The following TLK1 variants were observed in gnomAD, a reference collection of about 807,000 sequenced individuals.
TLK1 encodes serine/threonine-protein kinase tousled-like 1.
Under a neutral mutation model 105.3 loss-of-function variants are expected in TLK1, and 24 were observed. The observed-to-expected ratio is 0.23, with a 90% CI of 0.17 to 0.32. The LOEUF is 0.32. TLK1 is among the 10% of genes least tolerant of loss of function. The pLI, the probability that TLK1 is intolerant of heterozygous loss-of-function variation, is 1.00. For synonymous variants in TLK1, 321 were observed against 310.4 expected (o/e 1.03, Z -0.36); for missense variants, 558 against 910.5 (o/e 0.61, Z 4.98).
chr2:171,210,035 G>C (rs1015027247), intron 1 of TLK1, among the ~76,000 whole-genome samples: 9 of 152,112 alleles, frequency 5.9e-5, no homozygotes, highest in Admixed American at 4.6e-4. Flanking sequence ...AGCTAATCAG[G>C]TAAATCAAAA....
At chr2:170,996,529 C>G in intron 20 of TLK1, 124 bp downstream of exon 20, 1 of 698,718 alleles carries the variant, frequency 1.4e-6, no homozygotes, top group South Asian at 2.1e-5. Context: ...CCAGCCCCTG[C>G]TGGACAGATC....
chr2:171,034,438 A>G (rs1686218348), intron 11 of TLK1, among the ~76,000 whole-genome samples: 1 of 152,262 alleles, frequency 6.6e-6, no homozygotes, highest in African/African-American at 2.4e-5. Context: ...TACATGCTAC[A>G]ACATGAATAT....
At chr2:171,071,227 T>A (rs535409878) in intron 3 of TLK1, among the ~76,000 whole-genome samples, 1 of 152,312 alleles carries the variant, frequency 6.6e-6, no homozygotes, top group Admixed American at 6.5e-5. Context: ...GTGGGTTATC[T>A]CCTCGCTTTG....
chr2:171,114,827 C>G (rs567925367), intron 2 of TLK1, among the ~76,000 whole-genome samples: 1 of 151,728 alleles, frequency 6.6e-6, no homozygotes, highest in African/African-American at 2.4e-5. Flanking sequence ...AGAGTGAGAT[C>G]CTGTCTCAGA....
At chr2:171,213,508 C>A (rs540622105) in intron 1 of TLK1, among the ~76,000 whole-genome samples, 1 of 150,832 alleles carries the variant, frequency 6.6e-6, no homozygotes, top group South Asian at 2.1e-4. Flanking sequence ...AGGCCTATAT[C>A]TTTTTTTTAA....
chr2:171,025,728 A>G (rs1685741628), intron 12 of TLK1, among the ~76,000 whole-genome samples: 1 of 152,208 alleles, frequency 6.6e-6, no homozygotes, highest in Non-Finnish European at 1.5e-5. Flanking sequence ...TCTTTTTTAG[A>G]AAACAGAATG....
chr2:171,163,867 A>C (rs1465132749), upstream of TLK1, among the ~76,000 whole-genome samples: 1 of 152,136 alleles, frequency 6.6e-6, no homozygotes, highest in African/African-American at 2.4e-5. Flanking sequence ...CTGGGACTGC[A>C]GATGCCTATC....
intron 2 of TLK1, among the ~76,000 whole-genome samples, chr2:171,100,512 G>A (rs1375559901): frequency 6.6e-6 from 1 of 152,090 alleles, no homozygotes; most frequent in Non-Finnish European, 1.5e-5. Context: ...TGAGGGAAAT[G>A]TAAAACTCCT....
intron 11 of TLK1, among the ~76,000 whole-genome samples, chr2:171,045,074 G>A (rs1416988742): frequency 6.6e-6 from 1 of 152,014 alleles, no homozygotes; most frequent in Non-Finnish European, 1.5e-5. Flanking sequence ...GTTTTTGGAA[G>A]GGAAGTAACA....
Position 171,191,575 on chromosome 2 carries a change from A to G in TLK1, c.-6+39570T>C, listed in dbSNP as rs149724670. The stretch of plus-strand genomic sequence containing the variant: ...CCCTTTCTCCTGAGCCACACCCTGA[A>G]TTCATTTTCTTCCTCAATGAAGGCC... On this transcript the variant is annotated intron_variant, in intron 1 of 20. Coordinates refer to the TLK1 transcript ENST00000521943. Among the ~76,000 whole-genome samples, 260 of 152,238 alleles carry G rather than the reference A, an allele frequency of 1.7e-3. 1 individual carries two copies. The highest frequency in any genetic ancestry group is 3.4e-3 in the Non-Finnish European group (228 of 68,006).
At chr2:171,120,810 C>T (rs747828512) in intron 1 of TLK1, among the ~76,000 whole-genome samples, 3 of 152,112 alleles carry the variant, frequency 2.0e-5, no homozygotes, top group East Asian at 1.9e-4. Flanking sequence ...CCAATACAAG[C>T]GAAAGCAATG....
intron 11 of TLK1, among the ~76,000 whole-genome samples, chr2:171,042,659 G>C (rs771014448): frequency 2.6e-5 from 4 of 151,512 alleles, no homozygotes; most frequent in Non-Finnish European, 5.9e-5. Context: ...ATACATACAA[G>C]TATGCACAAA....
chr2:171,081,586 A>G, intron 3 of TLK1: 2 of 1,214,548 alleles, frequency 1.6e-6, no homozygotes, highest in Non-Finnish European at 2.2e-6. Flanking sequence ...AAGTATGTTA[A>G]TTTTTTAAAA....
intron 2 of TLK1, among the ~76,000 whole-genome samples, chr2:171,101,346 CAAAA>C (rs71401403): frequency 1.6e-5 from 1 of 63,500 alleles, no homozygotes. Context: ...AACTCCGTCT[CAAAA>C]AAAAAAAAAA....
intron 1 of TLK1, among the ~76,000 whole-genome samples, chr2:171,158,466 C>A (rs1219887890): frequency 6.6e-6 from 1 of 152,206 alleles, no homozygotes; most frequent in African/African-American, 2.4e-5. Context: ...CAGAAACTCA[C>A]AATCTAGATG....
chr2:171,064,760 C>G (rs1687911513), intron 3 of TLK1, among the ~76,000 whole-genome samples: 1 of 152,084 alleles, frequency 6.6e-6, no homozygotes, highest in Admixed American at 6.5e-5. Flanking sequence ...CACTTTAAAC[C>G]AAGTTAGCTG....
intron 1 of TLK1, among the ~76,000 whole-genome samples, chr2:171,180,593 A>G (rs1302843778): frequency 6.6e-6 from 1 of 152,200 alleles, no homozygotes. Flanking sequence ...GCCATAGGTT[A>G]GAATGACTCT....
At position 171,097,700 on chromosome 2, in the gene TLK1, G is replaced by A. The variant is rs181397355; in HGVS notation, c.259-14848C>T. Among the ~76,000 whole-genome samples the A allele has an allele frequency of 5.3e-5, 8 of 152,240 alleles. No individual in the cohort carries two copies. The East Asian group carries it at 5.8e-4, about 11-fold the overall frequency. On this transcript the variant is annotated intron_variant, in intron 2 of 20. Transcript: ENST00000431350. ...AGTACTTTGGGAGGCTGAGGCAGGC[G>A]GATCATATGAGGTCAGGAATTGAGA...
At chr2:171,108,457 C>A (rs576328039) in intron 2 of TLK1, among the ~76,000 whole-genome samples, 3 of 151,886 alleles carry the variant, frequency 2.0e-5, no homozygotes, top group Non-Finnish European at 4.4e-5. Flanking sequence ...ACGTAAAGTA[C>A]AAGAAGACAT....
Sources: allele counts gnomAD v4.1 joint callset (sites outside exome capture counted in the v4.1 genomes callset), GRCh38; gene constraint gnomAD v4.1.1; transcripts MANE v1.5; gene names NCBI Gene and HGNC (gene_info 2026-07-23, HGNC 2026-07-21).